ZNF560: variants seen among roughly 807,000 people sequenced by gnomAD.
ZNF560 encodes zinc finger protein 560.
Under a neutral mutation model 81.8 loss-of-function variants are expected in ZNF560, and 54 were observed. The ratio of observed to expected loss-of-function variants is 0.66; its 90% CI spans 0.53 to 0.83. ZNF560 has a LOEUF of 0.83. Ranked by LOEUF, ZNF560 falls within the 40% of genes least tolerant of loss-of-function variation. ZNF560 has a pLI of 0.00. For synonymous variants in ZNF560, 321 were observed against 317.9 expected (o/e 1.01, Z -0.10); for missense variants, 940 against 932.4 (o/e 1.01, Z -0.11).
In ZNF560 at chr19:9,471,452, A is replaced by G. The variant is rs1226363500; in HGVS notation, c.239-74T>C. The G allele has an allele frequency of 6.3e-6, 6 of 955,728 alleles. No homozygotes were observed. In the African/African-American group the frequency reaches 7.1e-5, roughly 11 times the overall value. 59.2% of individuals were successfully genotyped at this position (955,728 alleles called of 1,614,324 possible). A position where few individuals can be genotyped will look rare whatever the true frequency, so the allele number is the denominator to read the frequency against. On this transcript the variant is annotated intron_variant, in intron 5 of 9. Transcript: ENST00000301480. ...GTAAAATGAAAGAGTTAAAAATTAT[A>G]GGCCTCATTCATATTTGTTTTTAAA...
At chr19:9,470,636 A>T in intron 6 of ZNF560, 118 bp from the exon 7 acceptor site, 1 of 1,410,702 alleles carries the variant, frequency 7.1e-7, no homozygotes, top group South Asian at 1.2e-5. Flanking sequence ...CACTATCTAC[A>T]CCCCAAGGTT....
the ZNF560 span, among the ~76,000 whole-genome samples, chr19:9,455,489 G>A: frequency 6.6e-6 from 1 of 152,180 alleles, no homozygotes; most frequent in Non-Finnish European, 1.5e-5. Context: ...CGCACAAGTG[G>A]TCATGCAGGA....
the ZNF560 span, among the ~76,000 whole-genome samples, chr19:9,456,183 A>G: frequency 6.6e-6 from 1 of 152,166 alleles, no homozygotes; most frequent in African/African-American, 2.4e-5. Context: ...GTGCCTCAGT[A>G]GATCTGTGTT....
chr19:9,474,242 G>A lies in ZNF560; in HGVS notation c.114C>T (p.Tyr38=). 1.2e-6 allele frequency: 2 copies of A among 1,614,122 alleles called. No homozygotes were observed. Among genetic ancestry groups the A allele is most frequent in the Non-Finnish European group, 1.7e-6 (2 of 1,180,006 alleles). Reference sequence around the variant, plus strand: ...CATAATTCTCCAGCATCACATCTCTGTATAAGTTTCTCTGAACTGGGTCCA... The same window carrying A: ...CATAATTCTCCAGCATCACATCTCTATATAAGTTTCTCTGAACTGGGTCCA... ...ILLDPVQRNL[Y]RDVMLENYEN... is the part of the protein sequence containing the mutation. Residue 38 remains tyrosine, a synonymous_variant, in exon 4 of 10, where the codon TAC becomes TAT. Transcript: ENST00000301480.
chr19:9,465,721 G>A (rs769159351), downstream of ZNF560, among the ~76,000 whole-genome samples: 20 of 152,110 alleles, frequency 1.3e-4, no homozygotes, highest in Non-Finnish European at 2.4e-4. Context: ...GGCCAGGCGC[G>A]ATGGCTCACA....
At chr19:9,481,749 G>T (rs146791047) in intron 2 of ZNF560, among the ~76,000 whole-genome samples, 1 of 152,276 alleles carries the variant, frequency 6.6e-6, no homozygotes, top group African/African-American at 2.4e-5. Context: ...AGTTAGAATG[G>T]CGATCATTAA....
chr19:9,484,020 G>C (rs2073346047), intron 2 of ZNF560, among the ~76,000 whole-genome samples: 2 of 152,148 alleles, frequency 1.3e-5, no homozygotes, highest in Admixed American at 1.3e-4. Flanking sequence ...TGAAACATGT[G>C]CTGTGTCCAC....
At chr19:9,449,064 C>A in the ZNF560 span, among the ~76,000 whole-genome samples, 1 of 152,200 alleles carries the variant, frequency 6.6e-6, no homozygotes, top group African/African-American at 2.4e-5. Context: ...TAGTGGCAGA[C>A]TTCAACACCC....
Position 9,467,117 on chromosome 19 carries a change from T to C in ZNF560, c.1830A>G (p.Thr610=), listed in dbSNP as rs781306841. 2 of 1,613,892 alleles carry C rather than the reference T, an allele frequency of 1.2e-6. No individual in the cohort carries two copies. The highest frequency in any genetic ancestry group is 2.2e-5 in the East Asian group (1 of 44,844). The change falls in exon 10 of 10, where the codon ACA becomes ACG. Residue 610 remains threonine (T), a synonymous_variant. Transcript: ENST00000301480. ...YECKKCGKAF[T]ERSDLTKHLR... ...AATGTTTAGTAAGATCTGAGCGTTC[T>C]GTGAAGGCTTTTCCACATTTCTTAC...
intron 2 of ZNF560, among the ~76,000 whole-genome samples, chr19:9,478,605 C>T (rs991069495): frequency 6.6e-6 from 1 of 151,824 alleles, no homozygotes; most frequent in Non-Finnish European, 1.5e-5. Flanking sequence ...AAGGGATATA[C>T]AATATAAAAA....
In ZNF560 at chr19:9,474,286, G is replaced by A. The variant is rs1356544026; in HGVS notation, c.70C>T (p.Gln24Ter). Residue 24 changes from glutamine (Q) to a stop codon, truncating the protein, a stop_gained, in exon 4 of 10, where the codon CAG becomes TAG. Coordinates refer to ENST00000301480, the MANE Select transcript of ZNF560 (RefSeq NM_152476.3). LOFTEE classifies it high-confidence loss of function. ...TFEDTAVDFTQEEWILLDPVQ... is the reference protein window; with the variant it reads ...TFEDTAVDFT ...GGGTCCAGTAAAATCCACTCCTCCT[G>A]GGTGAAGTCCACAGCTGTATCCTCA... 1 of 1,614,034 alleles carries A rather than the reference G, an allele frequency of 6.2e-7. No homozygotes were observed. The highest frequency in any genetic ancestry group is 1.1e-5 in the South Asian group (1 of 91,064).
At chr19:9,468,391 A>G in intron 9 of ZNF560, 57 bp from the exon 10 acceptor site, 1 of 1,257,246 alleles carries the variant, frequency 8.0e-7, no homozygotes, top group Admixed American at 2.5e-5. Context: ...ATTAATAGAT[A>G]CCACTCTTCT....
At chr19:9,483,781 A>T (rs377587242) in intron 2 of ZNF560, among the ~76,000 whole-genome samples, 1 of 152,002 alleles carries the variant, frequency 6.6e-6, no homozygotes, top group Non-Finnish European at 1.5e-5. Flanking sequence ...CCGCCACCCC[A>T]TCTGGGAGGT....
At position 9,467,390 on chromosome 19, in the gene ZNF560, G is replaced by T; in HGVS notation, c.1557C>A (p.Tyr519Ter). ...AAGAGGTAAATGGTTTCCCACATTT[G>T]TAACACTTAAAGGGCTTCTCACCAG... ...THTGEKPFKC[Y>*]KCGKPFTSSA... is the part of the protein sequence containing the mutation. Residue 519 changes from tyrosine to a stop codon, truncating the protein, a stop_gained, in exon 10 of 10, where the codon TAC (tyrosine) becomes TAA (stop). Transcript: ENST00000301480. LOFTEE classifies it high-confidence loss of function. The T allele has an allele frequency of 6.2e-7, 1 of 1,614,044 alleles. No individual in the cohort carries two copies. Among genetic ancestry groups the T allele is most frequent in the Non-Finnish European group, 8.5e-7 (1 of 1,180,000 alleles).
chr19:9,486,677 T>C (rs571051889), intron 2 of ZNF560, among the ~76,000 whole-genome samples: 3 of 151,700 alleles, frequency 2.0e-5, no homozygotes, highest in East Asian at 3.9e-4. Flanking sequence ...GAGGTGGAGG[T>C]TGCAGTGAGC....
intron 4 of ZNF560, 144 bp from the exon 5 acceptor site, chr19:9,473,403 C>T (rs1347998068): frequency 3.5e-6 from 2 of 573,352 alleles, no homozygotes; most frequent in Non-Finnish European, 6.1e-6. Context: ...ATGGTGAAAC[C>T]CCCGTCTCTA....
the ZNF560 span, among the ~76,000 whole-genome samples, chr19:9,452,613 A>T: frequency 6.6e-6 from 1 of 152,232 alleles, no homozygotes; most frequent in Non-Finnish European, 1.5e-5. Context: ...ACATGGTTGA[A>T]GTTGGAGGTG....
At chr19:9,459,637 C>G in the ZNF560 span, among the ~76,000 whole-genome samples, 1 of 152,040 alleles carries the variant, frequency 6.6e-6, no homozygotes, top group Non-Finnish European at 1.5e-5. Context: ...GGAGCCCACA[C>G]TATTTATTGG....
At chr19:9,458,764 T>G in the ZNF560 span, among the ~76,000 whole-genome samples, 1 of 152,228 alleles carries the variant, frequency 6.6e-6, no homozygotes, top group African/African-American at 2.4e-5. Context: ...GTCTCTGGTC[T>G]CAGACACAGA....
Sources: gnomAD v4.1 joint callset for allele counts (sites outside exome capture counted in the v4.1 genomes callset) on GRCh38, gnomAD v4.1.1 for gene constraint, MANE v1.5 for transcripts, NCBI Gene and HGNC (gene_info 2026-07-23, HGNC 2026-07-21) for gene names.